Variants in SLC25A21 observed in about 807,000 individuals in gnomAD.
The protein encoded by SLC25A21 is solute carrier family 25 member 21.
A neutral mutation model predicts 43.8 loss-of-function variants in SLC25A21; 47 were observed. The observed-to-expected ratio is 1.07, with a 90% CI of 0.85 to 1.37. The LOEUF is 1.37. SLC25A21 is among the 40% of genes most tolerant of loss of function. The pLI, the probability that SLC25A21 is intolerant of heterozygous loss-of-function variation, is 0.00. For missense variants in SLC25A21, 352 were observed against 350.2 expected (o/e 1.00, Z -0.04); for synonymous variants, 131 against 121.3 (o/e 1.08, Z -0.52).
intron 1 of SLC25A21, among the ~76,000 whole-genome samples, chr14:37,051,888 G>T (rs1961714460): frequency 6.6e-6 from 1 of 152,174 alleles, no homozygotes; most frequent in Non-Finnish European, 1.5e-5. Flanking sequence ...TTAACTGGAA[G>T]CCAGAGAGCA....
At chr14:36,967,098 T>C (rs185589233) in intron 1 of SLC25A21, among the ~76,000 whole-genome samples, 107 of 152,230 alleles carry the variant, frequency 7.0e-4, no homozygotes, top group Middle Eastern at 3.4e-3. Context: ...TTTTGAATGG[T>C]GAATTAATTT....
At chr14:36,768,412 AATT>A (rs1346592627) in intron 3 of SLC25A21, among the ~76,000 whole-genome samples, 1 of 152,230 alleles carries the variant, frequency 6.6e-6, no homozygotes, top group East Asian at 1.9e-4. Context: ...CAATTTTTTT[AATT>A]ATTAAAATTT....
At chr14:37,084,082 T>C (rs917867257) in intron 1 of SLC25A21, among the ~76,000 whole-genome samples, 5 of 152,180 alleles carry the variant, frequency 3.3e-5, no homozygotes, top group African/African-American at 1.2e-4. Context: ...CACTGGTCTC[T>C]TTCACTCTCA....
chr14:37,148,846 G>C (rs547325001), intron 1 of SLC25A21, among the ~76,000 whole-genome samples: 10 of 152,310 alleles, frequency 6.6e-5, no homozygotes, highest in African/African-American at 2.4e-4. Flanking sequence ...ATAGATGCTT[G>C]TGAAAAGCCT....
chr14:37,104,171 T>C (rs1962869718), intron 1 of SLC25A21, among the ~76,000 whole-genome samples: 2 of 152,186 alleles, frequency 1.3e-5, no homozygotes. Context: ...TTTACTTTAC[T>C]AGAAATGGAT....
chr14:36,863,035 G>C (rs141732274), intron 2 of SLC25A21, among the ~76,000 whole-genome samples: 312 of 152,224 alleles, frequency 2.0e-3, no homozygotes, highest in African/African-American at 7.2e-3. Flanking sequence ...CGGGGACTAG[G>C]GGGAGGAATG....
In SLC25A21 at chr14:36,678,452, G is replaced by A. The variant is rs894000838; in HGVS notation, c.*2206C>T. ...AGGGCCATAGTCTTCCTTTGATCTT[G>A]TAAAACTTCCATTGACATCTGGAGT... On this transcript the variant is annotated 3_prime_UTR_variant, in exon 10 of 10. Transcript: ENST00000331299. 26 of 1,513,204 alleles carry A rather than the reference G, an allele frequency of 1.7e-5. No homozygotes were observed. The African/African-American group carries it at 3.0e-4, about 18-fold the overall frequency. 93.7% of individuals were successfully genotyped at this position (1,513,204 alleles called of 1,614,324 possible).
chr14:37,052,469 T>C (rs1961729585), intron 1 of SLC25A21, among the ~76,000 whole-genome samples: 1 of 152,214 alleles, frequency 6.6e-6, no homozygotes, highest in Admixed American at 6.5e-5. Flanking sequence ...ATTTCCCTTT[T>C]AAATGTTAAA....
intron 1 of SLC25A21, among the ~76,000 whole-genome samples, chr14:37,159,770 A>C (rs1963908471): frequency 6.6e-6 from 1 of 152,096 alleles, no homozygotes; most frequent in Non-Finnish European, 1.5e-5. Flanking sequence ...AGAAATAATC[A>C]ACAGTGAAGA....
intron 7 of SLC25A21, among the ~76,000 whole-genome samples, chr14:36,690,814 C>G (rs189538804): frequency 6.6e-6 from 1 of 152,148 alleles, no homozygotes; most frequent in African/African-American, 2.4e-5. Context: ...CTTGGCCAGT[C>G]GTTGGCTGTT....
chr14:37,154,248 C>T (rs907174212), intron 1 of SLC25A21, among the ~76,000 whole-genome samples: 2 of 152,126 alleles, frequency 1.3e-5, no homozygotes, highest in African/African-American at 4.8e-5. Flanking sequence ...CCAACCCACA[C>T]AGATATCACT....
intron 1 of SLC25A21, among the ~76,000 whole-genome samples, chr14:37,121,707 T>G (rs1458208516): frequency 6.6e-6 from 1 of 151,920 alleles, no homozygotes; most frequent in African/African-American, 2.4e-5. Flanking sequence ...AAAAATTGCT[T>G]TATTCTGGGA....
At chr14:36,917,988 C>G (rs1477585675) in intron 1 of SLC25A21, among the ~76,000 whole-genome samples, 2 of 152,048 alleles carry the variant, frequency 1.3e-5, no homozygotes, top group Admixed American at 1.3e-4. Flanking sequence ...TTTTCAGGGT[C>G]TAGGTATGTG....
chr14:36,979,421 T>C (rs1026123626), intron 1 of SLC25A21, among the ~76,000 whole-genome samples: 1 of 151,766 alleles, frequency 6.6e-6, no homozygotes, highest in South Asian at 2.1e-4. Context: ...AGTGGCGTGA[T>C]AGTGGCTCAC....
At chr14:36,782,378 T>C (rs975404296) in intron 3 of SLC25A21, among the ~76,000 whole-genome samples, 3 of 152,228 alleles carry the variant, frequency 2.0e-5, no homozygotes, top group Non-Finnish European at 4.4e-5. Context: ...ATTATTTCTC[T>C]TGATGGTGCC....
At chr14:37,115,468 G>A (rs913652485) in intron 1 of SLC25A21, among the ~76,000 whole-genome samples, 2 of 152,074 alleles carry the variant, frequency 1.3e-5, no homozygotes, top group African/African-American at 4.8e-5. Flanking sequence ...GAAAGACTGA[G>A]AGGAAAAAAG....
intron 1 of SLC25A21, among the ~76,000 whole-genome samples, chr14:37,017,026 C>A (rs1398388079): frequency 6.6e-6 from 1 of 152,060 alleles, no homozygotes; most frequent in Non-Finnish European, 1.5e-5. Context: ...TTCTCTGTAT[C>A]ATCAATAAAG....
intron 1 of SLC25A21, among the ~76,000 whole-genome samples, chr14:36,964,838 A>G (rs78195135): frequency 6.6e-6 from 1 of 152,148 alleles, no homozygotes; most frequent in African/African-American, 2.4e-5. Context: ...CAGAATTACA[A>G]ACTCGCTTGT....
intron 2 of SLC25A21, among the ~76,000 whole-genome samples, chr14:36,850,147 A>G (rs1202708519): frequency 1.3e-5 from 2 of 152,166 alleles, no homozygotes; most frequent in Admixed American, 1.3e-4. Context: ...GACCTAAAGG[A>G]TGAAGAGTTG....
Sources: allele counts gnomAD v4.1 joint callset (sites outside exome capture counted in the v4.1 genomes callset), GRCh38; gene constraint gnomAD v4.1.1; transcripts MANE v1.5; gene names NCBI Gene and HGNC (gene_info 2026-07-23, HGNC 2026-07-21).